Variants in TAOK1 observed in about 807,000 individuals in gnomAD.
TAOK1 encodes serine/threonine-protein kinase TAO1.
In TAOK1, 21 loss-of-function variants were observed where a neutral mutation model predicts 138.3. The observed-to-expected ratio is 0.15, with a 90% CI of 0.11 to 0.22. TAOK1 has a LOEUF of 0.22. TAOK1 is among the 10% of genes least tolerant of loss of function. The probability of loss-of-function intolerance (pLI) is 1.00; values close to 1 mark genes in which losing one functional copy is unlikely to be tolerated. For synonymous variants in TAOK1, 361 were observed against 398.4 expected (o/e 0.91, Z 1.12); for missense variants, 651 against 1,227.7 (o/e 0.53, Z 7.02).
chr17:29,503,025 T>C (rs1465980902), intron 13 of TAOK1, among the ~76,000 whole-genome samples: 1 of 152,156 alleles, frequency 6.6e-6, no homozygotes, highest in Non-Finnish European at 1.5e-5. Flanking sequence ...ATGAAGTATT[T>C]ATGAAATAGT....
Position 29,532,349 on chromosome 17 carries a change from T to TG in TAOK1, c.2361+1730_2361+1731insG, listed in dbSNP as rs1491189360. On this transcript the variant is annotated intron_variant, in intron 18 of 19. Coordinates refer to ENST00000261716, the MANE Select transcript of TAOK1 (RefSeq NM_020791.4). ...ATTCTAGGTTTTTCTTTTTTGTTTG[T>TG]TTGTGGTTTTTTTTTTTTTGATCAT... Among the ~76,000 whole-genome samples, 61 of 121,078 alleles carry TG rather than the reference T, an allele frequency of 5.0e-4. 2 individuals are homozygous for TG. In the Middle Eastern group the frequency reaches 0.015, roughly 29 times the overall value. 79.4% of individuals were successfully genotyped at this position (121,078 alleles called of 152,430 possible).
chr17:29,453,182 T>C (rs1009992035), intron 2 of TAOK1, among the ~76,000 whole-genome samples: 2 of 147,294 alleles, frequency 1.4e-5, no homozygotes, highest in South Asian at 2.2e-4. Flanking sequence ...TTTTTTGAGA[T>C]GGAGTCTCGC....
intron 1 of TAOK1, among the ~76,000 whole-genome samples, chr17:29,411,544 G>A (rs1235364619): frequency 5.3e-5 from 8 of 151,310 alleles, no homozygotes; most frequent in African/African-American, 1.2e-4. Context: ...GGCACACACC[G>A]CCATGCCTGG....
intron 9 of TAOK1, among the ~76,000 whole-genome samples, chr17:29,490,009 T>G (rs1375806850): frequency 1.3e-5 from 2 of 152,044 alleles, no homozygotes; most frequent in Non-Finnish European, 2.9e-5. Flanking sequence ...TTACAAGAAT[T>G]TGTATTTTAC....
chr17:29,467,802 T>A (rs2030708119), intron 3 of TAOK1, among the ~76,000 whole-genome samples: 1 of 151,570 alleles, frequency 6.6e-6, no homozygotes. Flanking sequence ...CCTGCTTTTA[T>A]TTTTATTTAT....
At chr17:29,524,464 C>T (rs1206529805) in intron 17 of TAOK1, among the ~76,000 whole-genome samples, 4 of 152,130 alleles carry the variant, frequency 2.6e-5, no homozygotes, top group Non-Finnish European at 5.9e-5. Flanking sequence ...AGCTTATAAA[C>T]AGTAGTCCGA....
At chr17:29,525,229 C>T (rs1034099479) in intron 17 of TAOK1, among the ~76,000 whole-genome samples, 3 of 152,174 alleles carry the variant, frequency 2.0e-5, no homozygotes, top group African/African-American at 7.2e-5. Context: ...GCTCCCGCCT[C>T]AGCCTCCCAA....
intron 1 of TAOK1, among the ~76,000 whole-genome samples, chr17:29,435,259 A>T (rs1300333835): frequency 6.6e-6 from 1 of 152,194 alleles, no homozygotes; most frequent in Non-Finnish European, 1.5e-5. Context: ...TGTAGGTGAA[A>T]ACTTAAAAAC....
chr17:29,397,607 C>CAA (rs1555555318), intron 1 of TAOK1, among the ~76,000 whole-genome samples: 7 of 94,614 alleles, frequency 7.4e-5, no homozygotes, highest in Non-Finnish European at 1.2e-4. Context: ...CGTCCCCCCC[C>CAA]AAAAAAATAT....
Position 29,550,756 on chromosome 17 carries a change from C to T in TAOK1, c.*7734C>T, listed in dbSNP as rs1598537662. On this transcript the variant is annotated 3_prime_UTR_variant, in exon 20 of 20. Coordinates refer to ENST00000261716, the MANE Select transcript of TAOK1 (RefSeq NM_020791.4). ...ATATTTATGTTTTTAGTTTTATGTA[C>T]TCATTTCCCTTTGTTTTCCTCAAAC... is the stretch of plus-strand genomic sequence containing the variant. The T allele has an allele frequency of 6.6e-6, 1 of 152,232 alleles. No homozygotes were observed. The highest frequency in any genetic ancestry group is 2.4e-5 in the African/African-American group (1 of 41,386). 9.4% of individuals were successfully genotyped at this position (152,232 alleles called of 1,614,324 possible).
intron 1 of TAOK1, among the ~76,000 whole-genome samples, chr17:29,421,366 T>C (rs755075436): frequency 6.6e-5 from 10 of 152,250 alleles, no homozygotes; most frequent in Admixed American, 3.9e-4. Context: ...AATTTTTACA[T>C]TATATCTGTT....
At chr17:29,456,149 A>C (rs1337514281) in intron 2 of TAOK1, among the ~76,000 whole-genome samples, 1 of 150,238 alleles carries the variant, frequency 6.7e-6, no homozygotes, top group Non-Finnish European at 1.5e-5. Flanking sequence ...GGGGTTCGAG[A>C]CCAGCCTGGA....
chr17:29,427,994 A>G (rs1328201840), intron 1 of TAOK1, among the ~76,000 whole-genome samples: 1 of 152,060 alleles, frequency 6.6e-6, no homozygotes, highest in African/African-American at 2.4e-5. Flanking sequence ...ACTGAAAAGG[A>G]AGGCTGAAGA....
chr17:29,437,734 C>CTTT (rs11447325), intron 1 of TAOK1, among the ~76,000 whole-genome samples: 17 of 124,186 alleles, frequency 1.4e-4, no homozygotes, highest in East Asian at 4.5e-4. Context: ...TTATATTCTT[C>CTTT]TTTTTTTTTT....
intron 2 of TAOK1, among the ~76,000 whole-genome samples, chr17:29,460,835 A>G (rs1178341115): frequency 6.6e-6 from 1 of 152,210 alleles, no homozygotes; most frequent in Non-Finnish European, 1.5e-5. Context: ...GTGAGAGTGG[A>G]GAGGTAAGTA....
rs376549540 is a variant in TAOK1, at chr17:29,427,136, A to G, written c.-94-24319A>G. Among the ~76,000 whole-genome samples, 19 of 152,312 alleles carry G rather than the reference A, an allele frequency of 1.2e-4. No homozygotes were observed. In the South Asian group the frequency reaches 2.3e-3, roughly 18 times the overall value. On this transcript the variant is annotated intron_variant, in intron 1 of 19. Transcript: ENST00000261716. ...GGATAGCATTCCAAGTGGAGAGAATAACATTAATGAATGTAATGCCATTGG... is the reference window on the plus strand; with the variant it reads ...GGATAGCATTCCAAGTGGAGAGAATGACATTAATGAATGTAATGCCATTGG...
intron 1 of TAOK1, among the ~76,000 whole-genome samples, chr17:29,442,113 G>A (rs1487148125): frequency 6.6e-6 from 1 of 151,626 alleles, no homozygotes; most frequent in Non-Finnish European, 1.5e-5. Flanking sequence ...TACAATCATG[G>A]TTCACTACAG....
At chr17:29,475,192 G>A (rs1384651315) in intron 3 of TAOK1, among the ~76,000 whole-genome samples, 1 of 152,124 alleles carries the variant, frequency 6.6e-6, no homozygotes, top group East Asian at 1.9e-4. Flanking sequence ...ACCTGCTTCA[G>A]CCTCCCAAAG....
At chr17:29,513,465 T>C (rs2031759431) in intron 15 of TAOK1, 1 of 152,232 alleles carries the variant, frequency 6.6e-6, no homozygotes, top group Non-Finnish European at 1.5e-5. Context: ...GCTTTATGGA[T>C]TAGTTTGTTT....
Sources: gnomAD v4.1 joint callset for allele counts (sites outside exome capture counted in the v4.1 genomes callset) on GRCh38, gnomAD v4.1.1 for gene constraint, MANE v1.5 for transcripts, NCBI Gene and HGNC (gene_info 2026-07-23, HGNC 2026-07-21) for gene names.